DPP10: variants seen among roughly 807,000 people sequenced by gnomAD.
DPP10 encodes the protein inactive dipeptidyl peptidase 10.
DPP10 carries 33 observed loss-of-function variants against 120.9 expected under a neutral mutation model. That is an observed-to-expected ratio of 0.27 (90% CI 0.21 to 0.37). DPP10 has a LOEUF of 0.37. DPP10 is among the 10% of genes least tolerant of loss of function. The pLI, the probability that DPP10 is intolerant of heterozygous loss-of-function variation, is 1.00. For missense variants in DPP10, 816 were observed against 942.8 expected (o/e 0.87, Z 1.76); for synonymous variants, 337 against 326.1 (o/e 1.03, Z -0.36).
At chr2:114,781,434 T>A (rs1265721310) in intron 1 of DPP10, among the ~76,000 whole-genome samples, 2 of 151,896 alleles carry the variant, frequency 1.3e-5, no homozygotes, top group African/African-American at 4.8e-5. Flanking sequence ...TGTTTGTTTA[T>A]GTTTTCATTT....
intron 1 of DPP10, among the ~76,000 whole-genome samples, chr2:114,905,107 C>G (rs1221184972): frequency 6.6e-6 from 1 of 152,050 alleles, no homozygotes; most frequent in Admixed American, 6.5e-5. Context: ...TGTTTGCTGA[C>G]TTTTGCCAGC....
chr2:114,458,372 C>T (rs902932587), intron 1 of DPP10, among the ~76,000 whole-genome samples: 4 of 152,122 alleles, frequency 2.6e-5, no homozygotes, highest in African/African-American at 9.7e-5. Context: ...CTCATCTCTC[C>T]CCTATTTGCC....
intron 1 of DPP10, among the ~76,000 whole-genome samples, chr2:115,142,491 A>T (rs1158085848): frequency 6.6e-6 from 1 of 152,206 alleles, no homozygotes; most frequent in Non-Finnish European, 1.5e-5. Flanking sequence ...TGGTCTAAAT[A>T]GAGGCAGACC....
chr2:115,776,025 T>C (rs561191303), intron 13 of DPP10, among the ~76,000 whole-genome samples: 6 of 152,150 alleles, frequency 3.9e-5, no homozygotes, highest in Non-Finnish European at 8.8e-5. Context: ...CCAAAAGCTT[T>C]ATTCATATAG....
intron 1 of DPP10, among the ~76,000 whole-genome samples, chr2:115,244,602 G>T (rs2058446459): frequency 6.6e-6 from 1 of 151,878 alleles, no homozygotes; most frequent in Non-Finnish European, 1.5e-5. Flanking sequence ...GCTGTAATTA[G>T]CAGCTGAAGA....
intron 1 of DPP10, among the ~76,000 whole-genome samples, chr2:115,077,416 T>C (rs1333200762): frequency 6.6e-6 from 1 of 152,136 alleles, no homozygotes; most frequent in Non-Finnish European, 1.5e-5. Flanking sequence ...GTGGATCAAA[T>C]ACATGACATC....
At chr2:115,594,523 C>G (rs1285135065) in intron 5 of DPP10, among the ~76,000 whole-genome samples, 1 of 152,166 alleles carries the variant, frequency 6.6e-6, no homozygotes, top group Admixed American at 6.5e-5. Flanking sequence ...GCAATTAACT[C>G]CTGTTCTTCC....
chr2:114,705,322 A>G (rs1015612733), intron 1 of DPP10, among the ~76,000 whole-genome samples: 1 of 152,112 alleles, frequency 6.6e-6, no homozygotes, highest in Non-Finnish European at 1.5e-5. Context: ...TTTATCTTAA[A>G]TTTATCACTT....
intron 2 of DPP10, among the ~76,000 whole-genome samples, chr2:115,314,045 T>G (rs905543400): frequency 6.6e-5 from 10 of 152,214 alleles, no homozygotes; most frequent in African/African-American, 2.2e-4. Context: ...TGCATCTACT[T>G]TGCAATCTTG....
intron 1 of DPP10, among the ~76,000 whole-genome samples, chr2:114,521,164 T>C (rs1653081435): frequency 6.6e-6 from 1 of 151,938 alleles, no homozygotes. Context: ...AAAATGAGTG[T>C]AAGCTAGTTG....
chr2:115,831,873 A>G (rs1007835663), intron 21 of DPP10, among the ~76,000 whole-genome samples: 1 of 152,232 alleles, frequency 6.6e-6, no homozygotes, highest in Admixed American at 6.5e-5. Flanking sequence ...AATTTTAATG[A>G]ATAGCAAAAT....
chr2:114,574,597 C>A (rs1482844641), intron 1 of DPP10, among the ~76,000 whole-genome samples: 1 of 152,134 alleles, frequency 6.6e-6, no homozygotes, highest in Non-Finnish European at 1.5e-5. Flanking sequence ...CCCCCCAGCA[C>A]CTGTCACATT....
intron 1 of DPP10, among the ~76,000 whole-genome samples, chr2:114,839,329 C>T (rs1041022662): frequency 1.3e-5 from 2 of 151,964 alleles, no homozygotes; most frequent in African/African-American, 4.8e-5. Context: ...ACAACAGATG[C>T]CAAAGAAGGT....
At chr2:115,384,623 G>GA in intron 3 of DPP10, among the ~76,000 whole-genome samples, 1 of 144,954 alleles carries the variant, frequency 6.9e-6, no homozygotes, top group African/African-American at 2.6e-5. Flanking sequence ...GAAGGAAGAA[G>GA]AAGAGGAAGA....
chr2:115,511,059 C>T (rs147699986), intron 4 of DPP10, among the ~76,000 whole-genome samples: 219 of 152,180 alleles, frequency 1.4e-3, no homozygotes, highest in African/African-American at 5.0e-3. Context: ...CAGTCTGTAG[C>T]TTTTTCCAAC....
At chr2:115,415,883 A>ATG (rs2069379017) in intron 3 of DPP10, among the ~76,000 whole-genome samples, 1 of 139,458 alleles carries the variant, frequency 7.2e-6, no homozygotes, top group Non-Finnish European at 1.6e-5. Flanking sequence ...ATATGCACAC[A>ATG]CACACATACA....
chr2:114,748,352 T>A lies in DPP10; in HGVS notation c.60+305514T>A, dbSNP rs576535085. Among the ~76,000 whole-genome samples the A allele has an allele frequency of 4.6e-5, 5 of 108,988 alleles. No homozygotes were observed. In the East Asian group the frequency reaches 1.1e-3, roughly 25 times the overall value. The allele number at this position is 108,988 out of a possible 152,430, so 71.5% of individuals were successfully genotyped here. The stretch of plus-strand genomic sequence containing the variant: ...AAGGGAATTTTCTTTTTTTTTTTTA[T>A]TTTTTTTTATTTTATTTATTTATTT... On this transcript the variant is annotated intron_variant, in intron 1 of 25. Transcript: ENST00000410059.
At chr2:115,737,965 C>T (rs767495745) in intron 8 of DPP10, among the ~76,000 whole-genome samples, 2 of 152,068 alleles carry the variant, frequency 1.3e-5, no homozygotes, top group Non-Finnish European at 1.5e-5. Context: ...CCTCTGTCAG[C>T]AAGAAGATTT....
At chr2:114,525,149 A>G (rs1483857670) in intron 1 of DPP10, among the ~76,000 whole-genome samples, 1 of 152,186 alleles carries the variant, frequency 6.6e-6, no homozygotes, top group Non-Finnish European at 1.5e-5. Flanking sequence ...ATGTTCCTTT[A>G]TATTGTATTA....
Sources: allele counts gnomAD v4.1 joint callset (sites outside exome capture counted in the v4.1 genomes callset), GRCh38; gene constraint gnomAD v4.1.1; transcripts MANE v1.5; gene names NCBI Gene and HGNC (gene_info 2026-07-23, HGNC 2026-07-21).